Variants in DOCK4 observed in about 807,000 individuals in gnomAD.
DOCK4 encodes dedicator of cytokinesis protein 4.
DOCK4 carries 97 observed loss-of-function variants against 268.1 expected under a neutral mutation model. That is an observed-to-expected ratio of 0.36 (90% CI 0.31 to 0.43). The LOEUF (loss-of-function observed/expected upper bound fraction) is 0.43. Ranked by LOEUF, DOCK4 falls within the 20% of genes least tolerant of loss-of-function variation. DOCK4 has a pLI of 1.00. For synonymous variants in DOCK4, 954 were observed against 887.2 expected, an observed-to-expected ratio of 1.08 and a Z score of -1.34; for missense variants, 2,145 against 2,455.7, an observed-to-expected ratio of 0.87 and a Z score of 2.67.
At chr7:111,840,920 T>A in intron 25 of DOCK4, 2 of 1,127,064 alleles carry the variant, frequency 1.8e-6, no homozygotes, top group Non-Finnish European at 1.2e-6. Context: ...CTCCAGAGAA[T>A]GGATTTTGTG....
intron 39 of DOCK4, among the ~76,000 whole-genome samples, chr7:111,761,061 T>C (rs539303150): frequency 6.0e-5 from 8 of 133,292 alleles, no homozygotes; most frequent in African/African-American, 2.3e-4. Flanking sequence ...GGGCTTAAAG[T>C]CTTTTTTTTT....
chr7:112,196,059 TG>T (rs1820398428), intron 1 of DOCK4, among the ~76,000 whole-genome samples: 1 of 152,214 alleles, frequency 6.6e-6, no homozygotes, highest in Non-Finnish European at 1.5e-5. Flanking sequence ...CATTGCTAAG[TG>T]ACAGATGCCT....
intron 25 of DOCK4, 70 bp from the exon 26 acceptor site, chr7:111,834,756 A>C (rs1803105811): frequency 1.9e-6 from 2 of 1,033,502 alleles, no homozygotes; most frequent in Non-Finnish European, 2.8e-6. Flanking sequence ...AGTAACTTAC[A>C]CTGAACTGTC....
intron 12 of DOCK4, among the ~76,000 whole-genome samples, chr7:111,923,681 A>G (rs923980967): frequency 3.3e-5 from 5 of 152,120 alleles, no homozygotes; most frequent in African/African-American, 2.4e-5. Flanking sequence ...CAAATTCTCA[A>G]CCTTTTCAAA....
chr7:112,115,399 C>T lies in DOCK4; in HGVS notation c.37+90703G>A, dbSNP rs371157949. Among the ~76,000 whole-genome samples the T allele has an allele frequency of 9.8e-4, 149 of 152,328 alleles. 1 individual carries two copies. The highest frequency in any genetic ancestry group is 3.5e-3 in the African/African-American group (144 of 41,574). ...GAACACCATTTAGATTCTTCCAGAACAGGTGCACTCCTGCTTTGGACACCT... is the reference window on the plus strand; with the variant it reads ...GAACACCATTTAGATTCTTCCAGAATAGGTGCACTCCTGCTTTGGACACCT... On this transcript the variant is annotated intron_variant, in intron 1 of 52. Transcript: ENST00000428084.
intron 47 of DOCK4, among the ~76,000 whole-genome samples, chr7:111,740,843 C>T (rs896727686): frequency 4.7e-5 from 7 of 148,714 alleles, no homozygotes; most frequent in Admixed American, 1.4e-4. Context: ...GGTCTCAGAG[C>T]TGAACCTTGT....
At chr7:111,788,583 C>A (rs1448989237) in intron 32 of DOCK4, 79 bp downstream of exon 32, 3 of 1,194,072 alleles carry the variant, frequency 2.5e-6, no homozygotes, top group East Asian at 5.1e-5. Context: ...CAGCTCTCAG[C>A]TACCGTGGTG....
chr7:112,022,404 G>A lies in DOCK4; in HGVS notation c.38-18273C>T, dbSNP rs952962560. 4.6e-5 allele frequency among the ~76,000 whole-genome samples: 7 copies of A among 152,176 alleles called. No individual in the cohort carries two copies. In the South Asian group the frequency reaches 6.2e-4, roughly 13 times the overall value. On this transcript the variant is annotated intron_variant, in intron 1 of 52. Transcript: ENST00000428084. Reference sequence around the variant, plus strand: ...CGGTGGTGGTACAGGAGAGGGTTCCGCCCCTGACCAGCTGATGGCTGTCCC... The same window carrying A: ...CGGTGGTGGTACAGGAGAGGGTTCCACCCCTGACCAGCTGATGGCTGTCCC...
intron 21 of DOCK4, among the ~76,000 whole-genome samples, chr7:111,869,180 C>G (rs1317814945): frequency 6.6e-6 from 1 of 152,198 alleles, no homozygotes; most frequent in Non-Finnish European, 1.5e-5. Context: ...CTAAGCCACC[C>G]TATTTGCTCT....
At chr7:111,796,882 C>A (rs1799933075) in intron 30 of DOCK4, among the ~76,000 whole-genome samples, 1 of 152,166 alleles carries the variant, frequency 6.6e-6, no homozygotes, top group Non-Finnish European at 1.5e-5. Flanking sequence ...CATCCAGTTC[C>A]ATGGCTTGCA....
chr7:111,755,657 C>G, intron 41 of DOCK4, 56 bp from the exon 42 acceptor site: 1 of 1,496,876 alleles, frequency 6.7e-7, no homozygotes, highest in African/African-American at 1.4e-5. Flanking sequence ...CTAGCTACTT[C>G]CATGACTAGT....
At chr7:111,914,657 T>C (rs1792434785) in intron 13 of DOCK4, among the ~76,000 whole-genome samples, 1 of 152,150 alleles carries the variant, frequency 6.6e-6, no homozygotes, top group Non-Finnish European at 1.5e-5. Flanking sequence ...TCTACTGCCT[T>C]CTCACCTAAA....
At chr7:111,746,618 G>A (rs974652450) in intron 43 of DOCK4, among the ~76,000 whole-genome samples, 4 of 152,104 alleles carry the variant, frequency 2.6e-5, no homozygotes, top group Non-Finnish European at 5.9e-5. Context: ...ATCAGTGATT[G>A]TACAATAAGT....
intron 1 of DOCK4, among the ~76,000 whole-genome samples, chr7:112,105,894 T>C (rs1811109325): frequency 6.6e-6 from 1 of 152,078 alleles, no homozygotes; most frequent in Non-Finnish European, 1.5e-5. Flanking sequence ...TCTCACTATG[T>C]TGCCCAGGCT....
intron 23 of DOCK4, among the ~76,000 whole-genome samples, chr7:111,847,456 G>A (rs1297269645): frequency 6.6e-6 from 1 of 151,272 alleles, no homozygotes; most frequent in East Asian, 1.9e-4. Flanking sequence ...TTCTACTACG[G>A]TAGAAGAGGA....
At chr7:112,113,344 T>G (rs937939137) in intron 1 of DOCK4, among the ~76,000 whole-genome samples, 1 of 152,162 alleles carries the variant, frequency 6.6e-6, no homozygotes, top group African/African-American at 2.4e-5. Context: ...GATCAGGGGT[T>G]CTGACACTAA....
intron 42 of DOCK4, 117 bp downstream of exon 42, chr7:111,755,398 T>C: frequency 2.1e-6 from 2 of 937,952 alleles, no homozygotes; most frequent in Non-Finnish European, 3.3e-6. Flanking sequence ...ACATTCACTA[T>C]TTTACTATGA....
In DOCK4 at chr7:112,112,997, C is replaced by T. The variant is rs150070415; in HGVS notation, c.37+93105G>A. On this transcript the variant is annotated intron_variant, in intron 1 of 52. Coordinates refer to ENST00000428084, the MANE Select transcript of DOCK4 (RefSeq NM_001363540.2). ...ACTCAGGAAACCACAGATTTTTTCC[C>T]GACTAGGGTTTTTAGAAGGCAGGAG... Among the ~76,000 whole-genome samples, 20 of 152,208 alleles carry T rather than the reference C, an allele frequency of 1.3e-4. No homozygotes were observed. In the East Asian group the frequency reaches 2.1e-3, roughly 16 times the overall value.
intron 51 of DOCK4, among the ~76,000 whole-genome samples, chr7:111,734,542 T>A (rs1455647312): frequency 6.6e-6 from 1 of 152,176 alleles, no homozygotes; most frequent in Non-Finnish European, 1.5e-5. Context: ...GAATCAACCC[T>A]TTGCGAAATA....
Sources: gnomAD v4.1 joint callset for allele counts (sites outside exome capture counted in the v4.1 genomes callset) on GRCh38, gnomAD v4.1.1 for gene constraint, MANE v1.5 for transcripts, NCBI Gene and HGNC (gene_info 2026-07-23, HGNC 2026-07-21) for gene names.